SLC14A2: variants seen among roughly 807,000 people sequenced by gnomAD.
SLC14A2 encodes urea transporter 2.
In SLC14A2, 91 loss-of-function variants were observed where a neutral mutation model predicts 104.6. That is an observed-to-expected ratio of 0.87 (90% confidence interval 0.73 to 1.04). The LOEUF is 1.04. Ranked by LOEUF, SLC14A2 falls within the 50% of genes least tolerant of loss-of-function variation. SLC14A2 has a pLI of 0.00. For synonymous variants in SLC14A2, 476 were observed against 466.4 expected, an observed-to-expected ratio of 1.02 and a Z score of -0.27; for missense variants, 1,189 against 1,156.0, an observed-to-expected ratio of 1.03 and a Z score of -0.41.
At chr18:45,280,660 G>A (rs1218297852) in intron 1 of SLC14A2, among the ~76,000 whole-genome samples, 1 of 152,078 alleles carries the variant, frequency 6.6e-6, no homozygotes. Context: ...AGCCCTCCTG[G>A]AGGCATTTGT....
intron 1 of SLC14A2, among the ~76,000 whole-genome samples, chr18:45,266,106 C>A (rs540615905): frequency 1.3e-5 from 2 of 152,210 alleles, no homozygotes; most frequent in African/African-American, 4.8e-5. Context: ...CAGGGTGAAT[C>A]TCCTGAAGGT....
chr18:45,620,777 G>C (rs1345998103), intron 1 of SLC14A2, among the ~76,000 whole-genome samples: 1 of 152,020 alleles, frequency 6.6e-6, no homozygotes, highest in East Asian at 1.9e-4. Flanking sequence ...ATATTTCCTT[G>C]ATTATATGAT....
intron 1 of SLC14A2, among the ~76,000 whole-genome samples, chr18:45,296,889 C>G (rs1285028825): frequency 6.6e-6 from 1 of 152,146 alleles, no homozygotes; most frequent in East Asian, 1.9e-4. Context: ...TCCTATTGTT[C>G]TTTTCATGTT....
At position 45,624,635 on chromosome 18, in the gene SLC14A2, T is replaced by C. The variant is rs1470594544; in HGVS notation, c.-30T>C. ...TTTCCCTTTCCTTCCGTCTAGTCCA[T>C]CGATAGAAGAGTGGCTGTGACCCGA... On this transcript the variant is annotated 5_prime_UTR_variant, in exon 2 of 20. Coordinates refer to ENST00000255226, the MANE Select transcript of SLC14A2 (RefSeq NM_007163.4). 8.1e-6 allele frequency: 13 copies of C among 1,597,976 alleles called. No individual in the cohort carries two copies. The highest frequency in any genetic ancestry group is 8.5e-6 in the Non-Finnish European group (10 of 1,171,204).
rs1162321079 is a variant in SLC14A2 at position 45,426,732 on chromosome 18, CAT to C, written c.-124-56499_-124-56498del. Reference sequence around the variant, plus strand: ...ACACACACACACACACACACACACACATACATACACGCTTAATGGAAAACCAG... The same window carrying C: ...ACACACACACACACACACACACACACACATACACGCTTAATGGAAAACCAG... On this transcript the variant is annotated intron_variant, in intron 1 of 20. Transcript: ENST00000586448. Among the ~76,000 whole-genome samples, 651 of 142,774 alleles carry C rather than the reference CAT, an allele frequency of 4.6e-3. 3 individuals carry two copies. Among genetic ancestry groups the C allele is most frequent in the Non-Finnish European group, 7.8e-3 (502 of 64,270 alleles). 93.7% of individuals were successfully genotyped at this position (142,774 alleles called of 152,430 possible).
chr18:45,495,412 G>A (rs180767189), intron 2 of SLC14A2, among the ~76,000 whole-genome samples: 73 of 152,154 alleles, frequency 4.8e-4, no homozygotes, highest in Non-Finnish European at 7.9e-4. Context: ...TAAACTCTAG[G>A]GCATAAACTT....
upstream of SLC14A2, among the ~76,000 whole-genome samples, chr18:45,209,789 C>A (rs117547550): frequency 1.0e-3 from 159 of 152,310 alleles, 3 homozygotes; most frequent in East Asian, 0.029. Flanking sequence ...GCAAGTATAG[C>A]TGATGGACAT....
At chr18:45,174,656 A>C in the SLC14A2 span, among the ~76,000 whole-genome samples, 1 of 152,170 alleles carries the variant, frequency 6.6e-6, no homozygotes, top group Non-Finnish European at 1.5e-5. Context: ...GCTTATTAAC[A>C]GAGAATTCAG....
At chr18:45,556,196 C>T (rs2044131004) in intron 2 of SLC14A2, among the ~76,000 whole-genome samples, 1 of 152,138 alleles carries the variant, frequency 6.6e-6, no homozygotes, top group African/African-American at 2.4e-5. Flanking sequence ...TGAGTGCTTT[C>T]CTTCGTTACT....
chr18:45,382,977 G>A (rs2037605569), intron 1 of SLC14A2, among the ~76,000 whole-genome samples: 1 of 152,162 alleles, frequency 6.6e-6, no homozygotes, highest in Non-Finnish European at 1.5e-5. Flanking sequence ...GCAGTGTTGA[G>A]AAGGATTCTA....
the SLC14A2 span, among the ~76,000 whole-genome samples, chr18:45,204,044 G>T: frequency 6.6e-6 from 1 of 152,038 alleles, no homozygotes; most frequent in Non-Finnish European, 1.5e-5. Flanking sequence ...TATCCTAAGG[G>T]GCTTGTATGC....
chr18:45,285,845 G>A (rs2084809885), intron 1 of SLC14A2, among the ~76,000 whole-genome samples: 1 of 152,156 alleles, frequency 6.6e-6, no homozygotes, highest in African/African-American at 2.4e-5. Flanking sequence ...CTGATTGGAG[G>A]ACTCTGCACT....
chr18:45,267,811 C>T (rs1433613571), intron 1 of SLC14A2, among the ~76,000 whole-genome samples: 1 of 152,134 alleles, frequency 6.6e-6, no homozygotes, highest in Non-Finnish European at 1.5e-5. Context: ...AAAGGTGTTT[C>T]CCAATGACTG....
At chr18:45,530,305 C>T (rs1363560731) in intron 2 of SLC14A2, among the ~76,000 whole-genome samples, 2 of 152,150 alleles carry the variant, frequency 1.3e-5, no homozygotes, top group Admixed American at 1.3e-4. Flanking sequence ...GAGATTATTT[C>T]CTCCTTACTT....
chr18:45,494,900 T>TCACACA (rs531108146), intron 2 of SLC14A2, among the ~76,000 whole-genome samples: 39 of 96,576 alleles, frequency 4.0e-4, no homozygotes, highest in African/African-American at 7.9e-4. Context: ...AATCGGGTCA[T>TCACACA]CACACACACA....
chr18:45,659,740 A>C (rs2045904197), intron 10 of SLC14A2, among the ~76,000 whole-genome samples: 1 of 152,206 alleles, frequency 6.6e-6, no homozygotes, highest in East Asian at 1.9e-4. Flanking sequence ...GTGTCTATCA[A>C]ACATTTAACA....
At chr18:45,198,473 G>A in the SLC14A2 span, among the ~76,000 whole-genome samples, 1 of 151,900 alleles carries the variant, frequency 6.6e-6, no homozygotes, top group Non-Finnish European at 1.5e-5. Flanking sequence ...TGCATAATAG[G>A]CATCGATGCT....
chr18:45,307,485 A>C (rs1274920841), intron 1 of SLC14A2, among the ~76,000 whole-genome samples: 1 of 151,844 alleles, frequency 6.6e-6, no homozygotes, highest in Non-Finnish European at 1.5e-5. Context: ...ACTAACCTCT[A>C]GGGGAAGCAC....
chr18:45,352,523 C>T (rs2085513217), intron 1 of SLC14A2, among the ~76,000 whole-genome samples: 1 of 152,072 alleles, frequency 6.6e-6, no homozygotes, highest in Non-Finnish European at 1.5e-5. Context: ...TTACTGAGGC[C>T]CTAGGCACTC....
Sources: allele counts gnomAD v4.1 joint callset (sites outside exome capture counted in the v4.1 genomes callset), GRCh38; gene constraint gnomAD v4.1.1; transcripts MANE v1.5; gene names NCBI Gene and HGNC (gene_info 2026-07-23, HGNC 2026-07-21).